Variants in ERBB4 observed in about 807,000 individuals in gnomAD.
ERBB4 encodes the protein erb-b2 receptor tyrosine kinase 4, also known as receptor tyrosine-protein kinase erbB-4.
ERBB4 carries 42 observed loss-of-function variants against 158.0 expected under a neutral mutation model. That is an observed-to-expected ratio of 0.27 (90% CI 0.21 to 0.34). ERBB4 has a LOEUF of 0.34. ERBB4 is among the 10% of genes least tolerant of loss of function. The pLI is 1.00. For missense variants in ERBB4, 1,333 were observed against 1,624.1 expected (o/e 0.82, Z 3.08); for synonymous variants, 583 against 558.7 (o/e 1.04, Z -0.61).
At chr2:212,209,159 T>G (rs1330488660) in intron 1 of ERBB4, among the ~76,000 whole-genome samples, 13 of 152,178 alleles carry the variant, frequency 8.5e-5, no homozygotes, top group Admixed American at 8.5e-4. Flanking sequence ...ATAAAATTAA[T>G]GTCAGACACT....
chr2:212,468,457 T>C (rs959037108), intron 1 of ERBB4, among the ~76,000 whole-genome samples: 1 of 152,168 alleles, frequency 6.6e-6, no homozygotes, highest in African/African-American at 2.4e-5. Flanking sequence ...GTTTTAAAAA[T>C]GGGAGTTTCT....
At chr2:211,772,601 C>T (rs766516454) in intron 4 of ERBB4, among the ~76,000 whole-genome samples, 3 of 151,180 alleles carry the variant, frequency 2.0e-5, no homozygotes, top group Non-Finnish European at 4.4e-5. Context: ...TCTCTCTCTC[C>T]AAATAACCAT....
intron 3 of ERBB4, among the ~76,000 whole-genome samples, chr2:211,835,228 C>T (rs570156731): frequency 3.9e-4 from 60 of 152,148 alleles, no homozygotes; most frequent in African/African-American, 1.2e-3. Flanking sequence ...TCAAAAGTTA[C>T]GCAAAGTAAC....
intron 4 of ERBB4, among the ~76,000 whole-genome samples, chr2:211,753,355 G>A (rs73985833): frequency 0.028 from 4,295 of 151,830 alleles, 207 homozygotes; most frequent in African/African-American, 0.1. Context: ...TATTTCATAA[G>A]TACCTTCTTC....
At chr2:211,754,725 A>T (rs2075248307) in intron 4 of ERBB4, among the ~76,000 whole-genome samples, 1 of 139,024 alleles carries the variant, frequency 7.2e-6, no homozygotes, top group Non-Finnish European at 1.5e-5. Context: ...TTTGAGACAG[A>T]GTTTTGCTCT....
intron 16 of ERBB4, among the ~76,000 whole-genome samples, chr2:211,653,672 C>CT (rs200260156): frequency 1.3e-5 from 2 of 151,698 alleles, no homozygotes; most frequent in Non-Finnish European, 2.9e-5. Context: ...CAATTATTTT[C>CT]TTTTTTGGGG....
intron 20 of ERBB4, among the ~76,000 whole-genome samples, chr2:211,448,370 G>C (rs1166712375): frequency 1.3e-5 from 2 of 152,036 alleles, no homozygotes; most frequent in African/African-American, 4.8e-5. Flanking sequence ...AACAGTATTG[G>C]AGAATAACTA....
chr2:211,975,049 T>C (rs1280079818), intron 2 of ERBB4, among the ~76,000 whole-genome samples: 1 of 152,028 alleles, frequency 6.6e-6, no homozygotes, highest in East Asian at 1.9e-4. Flanking sequence ...AGTGGCACAA[T>C]CGCAGCCCAC....
chr2:211,809,501 T>C (rs555221001), intron 3 of ERBB4, among the ~76,000 whole-genome samples: 3 of 152,326 alleles, frequency 2.0e-5, no homozygotes, highest in Admixed American at 2.0e-4. Flanking sequence ...TATTCTCTGA[T>C]GGTAGTTTGT....
intron 1 of ERBB4, among the ~76,000 whole-genome samples, chr2:212,345,833 T>C (rs2088971482): frequency 6.6e-6 from 1 of 152,122 alleles, no homozygotes; most frequent in African/African-American, 2.4e-5. Flanking sequence ...CCAATCAATC[T>C]ATGAATTTGG....
chr2:211,663,896 G>GA lies in ERBB4; in HGVS notation c.1871+1426_1871+1427insT, dbSNP rs1042330985. Among the ~76,000 whole-genome samples, 3 of 150,380 alleles carry GA rather than the reference G, an allele frequency of 2.0e-5. No homozygotes were observed. The East Asian group carries it at 5.9e-4, about 29-fold the overall frequency. ...TTCTTCTGCTCCAGCAGAACCAGTT[G>GA]TTTTTTTTTGTGAAATACTCTTAAC... On this transcript the variant is annotated intron_variant, in intron 15 of 27. Coordinates refer to ENST00000342788, the MANE Select transcript of ERBB4 (RefSeq NM_005235.3).
chr2:212,003,728 C>T (rs190453695), intron 2 of ERBB4, among the ~76,000 whole-genome samples: 3 of 152,094 alleles, frequency 2.0e-5, no homozygotes, highest in African/African-American at 4.8e-5. Context: ...GCGTATTAAT[C>T]GACCTGTTCC....
At chr2:212,531,996 G>C (rs1469771629) in intron 1 of ERBB4, among the ~76,000 whole-genome samples, 1 of 152,162 alleles carries the variant, frequency 6.6e-6, no homozygotes, top group Admixed American at 6.5e-5. Context: ...CTTTTAGAAA[G>C]AACTACACAA....
chr2:212,375,114 T>A (rs10201724), intron 1 of ERBB4, among the ~76,000 whole-genome samples: 29,687 of 151,762 alleles, frequency 0.2, 3,044 homozygotes, highest in South Asian at 0.26. Flanking sequence ...TACTCTAATA[T>A]AACACATTAC....
chr2:212,223,351 A>T (rs956397280), intron 1 of ERBB4, among the ~76,000 whole-genome samples: 37 of 143,518 alleles, frequency 2.6e-4, no homozygotes, highest in African/African-American at 7.8e-4. Flanking sequence ...TATATATATA[A>T]AATTGTCTTT....
At chr2:212,255,286 G>A (rs2084687226) in intron 1 of ERBB4, among the ~76,000 whole-genome samples, 1 of 152,110 alleles carries the variant, frequency 6.6e-6, no homozygotes, top group Non-Finnish European at 1.5e-5. Context: ...ATGAAAGACA[G>A]TAAGTGTGCT....
chr2:211,939,471 C>T (rs2080425396), intron 3 of ERBB4, among the ~76,000 whole-genome samples: 2 of 151,698 alleles, frequency 1.3e-5, no homozygotes, highest in East Asian at 1.9e-4. Flanking sequence ...AATTATCATG[C>T]CTTTGGTAAA....
chr2:211,447,127 A>G (rs1230485679), intron 20 of ERBB4, among the ~76,000 whole-genome samples: 1 of 152,194 alleles, frequency 6.6e-6, no homozygotes, highest in Non-Finnish European at 1.5e-5. Flanking sequence ...TATTTGAATC[A>G]TAACTTCTAT....
intron 1 of ERBB4, among the ~76,000 whole-genome samples, chr2:212,157,770 G>C (rs1360039336): frequency 1.3e-5 from 2 of 152,172 alleles, no homozygotes; most frequent in East Asian, 3.9e-4. Context: ...TAGGGCTCAG[G>C]AAATATTCGT....
Sources: gnomAD v4.1 joint callset for allele counts (sites outside exome capture counted in the v4.1 genomes callset) on GRCh38, gnomAD v4.1.1 for gene constraint, MANE v1.5 for transcripts, NCBI Gene and HGNC (gene_info 2026-07-23, HGNC 2026-07-21) for gene names.